NFIX: variants seen among roughly 807,000 people sequenced by gnomAD.
NFIX encodes nuclear factor 1 X-type.
Under a neutral mutation model 53.3 loss-of-function variants are expected in NFIX, and 2 were observed. That is an observed-to-expected ratio of 0.04 (90% CI 0.02 to 0.12). NFIX has a LOEUF of 0.12. Ranked by LOEUF, NFIX falls within the 10% of genes least tolerant of loss-of-function variation. The pLI, the probability that NFIX is intolerant of heterozygous loss-of-function variation, is 1.00. For missense variants in NFIX, 310 were observed against 674.5 expected, an observed-to-expected ratio of 0.46 and a Z score of 5.99; for synonymous variants, 244 against 289.0, an observed-to-expected ratio of 0.84 and a Z score of 1.58.
At chr19:13,020,602 A>G (rs1414418266) in intron 1 of NFIX, among the ~76,000 whole-genome samples, 1 of 152,134 alleles carries the variant, frequency 6.6e-6, no homozygotes, top group Non-Finnish European at 1.5e-5. Flanking sequence ...GAGAAGGACA[A>G]TTGACAATTG....
At position 13,094,224 on chromosome 19, in the gene NFIX, A is replaced by G. The variant is rs1032698441; in HGVS notation, c.1495-411A>G. 3.3e-5 allele frequency among the ~76,000 whole-genome samples: 5 copies of G among 151,904 alleles called. No individual in the cohort carries two copies. Among genetic ancestry groups the G allele is most frequent in the African/African-American group, 1.2e-4 (5 of 41,318 alleles). ...AGAAAACTCAGCAAGAAGCTGGGCCACCCCCAACCCATTCCTAAAACCCCT... is the reference window on the plus strand; with the variant it reads ...AGAAAACTCAGCAAGAAGCTGGGCCGCCCCCAACCCATTCCTAAAACCCCT... On this transcript the variant is annotated intron_variant, in intron 10 of 10. Transcript: ENST00000592199. This position sits in a 1 kb window ranked among gnomAD's most constrained non-coding sequence, Gnocchi z 4.3.
intron 1 of NFIX, chr19:13,023,878 T>A (rs2013112821): frequency 1.5e-6 from 1 of 651,770 alleles, no homozygotes; most frequent in Admixed American, 2.7e-5. Context: ...CGGCCCCTAT[T>A]CCCCAGAACA....
chr19:13,087,639 G>T (rs945697992), intron 8 of NFIX, among the ~76,000 whole-genome samples: 1 of 152,072 alleles, frequency 6.6e-6, no homozygotes, highest in African/African-American at 2.4e-5. Context: ...TGGTCTTCAG[G>T]AGTGTGAGAG....
In NFIX at chr19:13,071,974, C is replaced by T. The variant is rs564768945; in HGVS notation, c.560-1073C>T. On this transcript the variant is annotated intron_variant, in intron 2 of 10. Transcript: ENST00000592199. The stretch of plus-strand genomic sequence containing the variant: ...CCAGCAGGTTGAATCAGGGTGGTGG[C>T]GAGACCCAGGAGGCAGGAATGCTCT... Among the ~76,000 whole-genome samples, 3 of 152,310 alleles carry T rather than the reference C, an allele frequency of 2.0e-5. No homozygotes were observed. In the South Asian group the frequency reaches 6.2e-4, roughly 32 times the overall value.
rs188408083 is a variant in NFIX at position 12,998,275 on chromosome 19, G to A, written c.27+2411G>A. Among the ~76,000 whole-genome samples the A allele has an allele frequency of 2.0e-5, 3 of 151,184 alleles. No homozygotes were observed. Among genetic ancestry groups the A allele is most frequent in the Admixed American group, 6.6e-5 (1 of 15,154 alleles). The stretch of plus-strand genomic sequence containing the variant: ...CATCTCTGCTCCCCCCTCCACTGGC[G>A]TCTCGGACTCTCTCTCTCTCTGTCT... On this transcript the variant is annotated intron_variant, in intron 1 of 10. Coordinates refer to ENST00000592199, the MANE Select transcript of NFIX (RefSeq NM_001365902.3). The surrounding 1 kb of genome is among the most constrained non-coding windows in gnomAD (Gnocchi z 4.4).
At chr19:13,033,951 A>G (rs1357749683) in intron 2 of NFIX, among the ~76,000 whole-genome samples, 1 of 152,192 alleles carries the variant, frequency 6.6e-6, no homozygotes, top group Admixed American at 6.5e-5. Flanking sequence ...ACAATGGTTG[A>G]GTGATATAGA....
rs1360267329 is a variant in NFIX at position 13,068,302 on chromosome 19, G to A, written c.560-4745G>A. ...GAGGGGGGTGCTGAAGAGGTGAGGG[G>A]GAGGCAAAGGAAGGACAGAGGGAGG... On this transcript the variant is annotated intron_variant, in intron 2 of 10. Transcript: ENST00000592199. The surrounding 1 kb of genome is among the most constrained non-coding windows in gnomAD (Gnocchi z 4.2). 6.6e-6 allele frequency among the ~76,000 whole-genome samples: 1 copy of A among 152,062 alleles called. No individual in the cohort carries two copies. The highest frequency in any genetic ancestry group is 6.6e-5 in the Admixed American group (1 of 15,258).
intron 1 of NFIX, among the ~76,000 whole-genome samples, chr19:13,019,716 T>C (rs1005655225): frequency 6.8e-6 from 1 of 147,528 alleles, no homozygotes; most frequent in Non-Finnish European, 1.5e-5. Flanking sequence ...TTGCTGGTTT[T>C]TTTTTTGTTT....
chr19:13,042,335 T>G (rs927044482), intron 2 of NFIX, among the ~76,000 whole-genome samples: 1 of 138,546 alleles, frequency 7.2e-6, no homozygotes, highest in African/African-American at 2.7e-5. Flanking sequence ...TACTGAAAAA[T>G]AAAAACATGC....
Position 13,002,197 on chromosome 19 carries a change from TTCTC to T in NFIX, c.27+6343_27+6346del, listed in dbSNP as rs371292041. On this transcript the variant is annotated intron_variant, in intron 1 of 10. Transcript: ENST00000592199. The surrounding 1 kb of genome is among the most constrained non-coding windows in gnomAD (Gnocchi z 6.1). ...CTGAGGTCCCCCCTTCTTTCCCCCTTTCTCTCTCTCTCTTTCCTCCCTCTCTCCT... is the reference window on the plus strand; with the variant it reads ...CTGAGGTCCCCCCTTCTTTCCCCCTTTCTCTCTCTTTCCTCCCTCTCTCCT... 5.7e-5 allele frequency among the ~76,000 whole-genome samples: 8 copies of T among 139,740 alleles called. No individual in the cohort carries two copies. The highest frequency in any genetic ancestry group is 2.1e-4 in the Admixed American group (3 of 14,184). The allele number at this position is 139,740 out of a possible 152,430, so 91.7% of individuals were successfully genotyped here.
In NFIX at chr19:13,094,596, AG is replaced by A. The variant is rs1245550342; in HGVS notation, c.1495-38del. On this transcript the variant is annotated intron_variant, in intron 10 of 10. Coordinates refer to ENST00000592199, the MANE Select transcript of NFIX (RefSeq NM_001365902.3). This position sits in a 1 kb window ranked among gnomAD's most constrained non-coding sequence, Gnocchi z 4.3. ...GTAGGAGTGAGATGGGACCTGCCCC[AG>A]CTGTTCTCAGTATCGCCTCTTTTTC... The A allele has an allele frequency of 2.0e-6, 3 of 1,535,638 alleles. No individual in the cohort carries two copies. Among genetic ancestry groups the A allele is most frequent in the Non-Finnish European group, 2.6e-6 (3 of 1,146,496 alleles).
Position 13,066,349 on chromosome 19 carries a change from C to T in NFIX, c.560-6698C>T, listed in dbSNP as rs2016398786. ...TCATCTGCCAGGTTCCTGTGCCTTC[C>T]CTACCCCCCCGCCCCCAACAATGGC... On this transcript the variant is annotated intron_variant, in intron 2 of 10. Transcript: ENST00000592199. The surrounding 1 kb of genome is among the most constrained non-coding windows in gnomAD (Gnocchi z 4.2). Among the ~76,000 whole-genome samples the T allele has an allele frequency of 6.6e-6, 1 of 151,100 alleles. No individual in the cohort carries two copies. The highest frequency in any genetic ancestry group is 2.1e-4 in the South Asian group (1 of 4,756).
At chr19:13,029,322 T>C (rs2013617101) in intron 2 of NFIX, among the ~76,000 whole-genome samples, 1 of 151,826 alleles carries the variant, frequency 6.6e-6, no homozygotes. Context: ...CCATTAAAAA[T>C]TCAGCATTTT....
At chr19:13,092,707 G>C (rs1415469572) in intron 10 of NFIX, among the ~76,000 whole-genome samples, 1 of 152,250 alleles carries the variant, frequency 6.6e-6, no homozygotes, top group Non-Finnish European at 1.5e-5. Flanking sequence ...GGGTCCCAGG[G>C]AACAGGCCCA....
Position 13,090,697 on chromosome 19 carries a change from C to G in NFIX, c.1494+307C>G, listed in dbSNP as rs1434491390. 2.6e-5 allele frequency among the ~76,000 whole-genome samples: 4 copies of G among 152,236 alleles called. No individual in the cohort carries two copies. The highest frequency in any genetic ancestry group is 2.6e-4 in the Admixed American group (4 of 15,288). On this transcript the variant is annotated intron_variant, in intron 10 of 10. Transcript: ENST00000592199. This position sits in a 1 kb window ranked among gnomAD's most constrained non-coding sequence, Gnocchi z 6.6. ...GGCCTGGTAGAAGCAAAGATGGAAG[C>G]CTGAGGCCCATCGGGAGGAGAATAG...
chr19:13,008,774 A>G (rs924750561), intron 1 of NFIX, among the ~76,000 whole-genome samples: 3 of 152,130 alleles, frequency 2.0e-5, no homozygotes, highest in Non-Finnish European at 2.9e-5. Flanking sequence ...AACCCCAGCA[A>G]GAAGCTGGAG....
intron 2 of NFIX, among the ~76,000 whole-genome samples, chr19:13,061,574 C>T (rs1652552734): frequency 6.6e-6 from 1 of 152,218 alleles, no homozygotes; most frequent in African/African-American, 2.4e-5. Context: ...GAGTGCAGCG[C>T]TTCGCTCCCT....
At chr19:12,997,611 G>T (rs1008523769) in intron 1 of NFIX, among the ~76,000 whole-genome samples, 7 of 152,216 alleles carry the variant, frequency 4.6e-5, no homozygotes, top group African/African-American at 1.7e-4. Context: ...GCTGGGCTGT[G>T]TGGCCGATGT....
rs1465532429 is a variant in NFIX at position 13,057,486 on chromosome 19, G to C, written c.560-15561G>C. On this transcript the variant is annotated intron_variant, in intron 2 of 10. Coordinates refer to ENST00000592199, the MANE Select transcript of NFIX (RefSeq NM_001365902.3). ...CCTACGAGCTGCAGACTCGGCTTTCGCTCCCACCAAGCCGGCTCCTGATGC... is the reference window on the plus strand; with the variant it reads ...CCTACGAGCTGCAGACTCGGCTTTCCCTCCCACCAAGCCGGCTCCTGATGC... Among the ~76,000 whole-genome samples the C allele has an allele frequency of 2.6e-5, 4 of 152,240 alleles. No individual in the cohort carries two copies. The South Asian group carries it at 8.3e-4, about 32-fold the overall frequency.
Sources: gnomAD v4.1 joint callset for allele counts (sites outside exome capture counted in the v4.1 genomes callset) on GRCh38, gnomAD v4.1.1 for gene constraint, Gnocchi (gnomAD v3.1) non-coding constraint, MANE v1.5 for transcripts, NCBI Gene and HGNC (gene_info 2026-07-23, HGNC 2026-07-21) for gene names.